LMX1A: variants seen among roughly 807,000 people sequenced by gnomAD.
LMX1A encodes LIM homeobox transcription factor 1 alpha, also known as LIM homeobox transcription factor 1-alpha.
In LMX1A, 15 loss-of-function variants were observed where a neutral mutation model predicts 49.1. That is an observed-to-expected ratio of 0.31 (90% CI 0.20 to 0.47). The LOEUF (loss-of-function observed/expected upper bound fraction) is 0.47, where lower values mean the gene tolerates loss of function less well. LMX1A is among the 20% of genes least tolerant of loss of function. LMX1A has a pLI of 1.00. For synonymous variants in LMX1A, 167 were observed against 185.7 expected (o/e 0.90, Z 0.82); for missense variants, 372 against 475.8 (o/e 0.78, Z 2.03).
At chr1:165,210,597 A>G (rs1257390684) in intron 6 of LMX1A, 102 bp downstream of exon 6, 4 of 751,452 alleles carry the variant, frequency 5.3e-6, no homozygotes, top group Middle Eastern at 2.4e-4. Context: ...ACTCTATCCA[A>G]TGAGCTAAGG....
chr1:165,244,445 G>A (rs1395752276), intron 4 of LMX1A, among the ~76,000 whole-genome samples: 2 of 152,050 alleles, frequency 1.3e-5, no homozygotes, highest in Non-Finnish European at 2.9e-5. Context: ...AGTCTTGTGG[G>A]ATCAAGCTCT....
chr1:165,322,982 G>T (rs1278912520), intron 3 of LMX1A, among the ~76,000 whole-genome samples: 2 of 151,974 alleles, frequency 1.3e-5, no homozygotes, highest in South Asian at 4.1e-4. Flanking sequence ...AACACAATTT[G>T]CTGATTCCAA....
chr1:165,334,021 C>T (rs1364916649), intron 3 of LMX1A, among the ~76,000 whole-genome samples: 2 of 152,104 alleles, frequency 1.3e-5, no homozygotes, highest in African/African-American at 4.8e-5. Context: ...TGAATAAATT[C>T]AAGCTAAGGA....
chr1:165,225,577 T>A (rs752191186), intron 4 of LMX1A, among the ~76,000 whole-genome samples: 3 of 152,220 alleles, frequency 2.0e-5, no homozygotes, highest in Non-Finnish European at 4.4e-5. Flanking sequence ...AAATAGGGGT[T>A]AGAGGAAAAA....
In LMX1A at chr1:165,203,813, C is replaced by T. The variant is rs921391665; in HGVS notation, c.*67G>A. The T allele has an allele frequency of 1.6e-5, 24 of 1,534,260 alleles. No homozygotes were observed. Among genetic ancestry groups the T allele is most frequent in the Non-Finnish European group, 2.2e-5 (24 of 1,114,532 alleles). ...CTTCCCTGGCCTCCCTGTCCTAAAG[C>T]CAGTGACCCCTCAAAGAATATGGTT... On this transcript the variant is annotated 3_prime_UTR_variant, in exon 9 of 9. Coordinates refer to ENST00000342310, the MANE Select transcript of LMX1A (RefSeq NM_177398.4).
intron 3 of LMX1A, among the ~76,000 whole-genome samples, chr1:165,325,964 T>A (rs1192372573): frequency 6.6e-6 from 1 of 152,098 alleles, no homozygotes; most frequent in African/African-American, 2.4e-5. Context: ...CCTTCCCCCA[T>A]CCTCACCAGT....
chr1:165,348,807 T>C (rs1656328557), intron 3 of LMX1A, among the ~76,000 whole-genome samples: 2 of 152,148 alleles, frequency 1.3e-5, no homozygotes. Context: ...ATTACCTAAG[T>C]CGTTTTCACC....
At chr1:165,317,220 A>C (rs1229862363) in intron 3 of LMX1A, among the ~76,000 whole-genome samples, 1 of 151,942 alleles carries the variant, frequency 6.6e-6, no homozygotes, top group African/African-American at 2.4e-5. Flanking sequence ...AATAGTTCCA[A>C]GTCTAGTTTA....
intron 3 of LMX1A, among the ~76,000 whole-genome samples, chr1:165,293,677 G>C (rs1447440626): frequency 6.6e-6 from 1 of 152,218 alleles, no homozygotes; most frequent in Non-Finnish European, 1.5e-5. Flanking sequence ...AATTCTGGAG[G>C]CTGGAAAGTC....
intron 4 of LMX1A, among the ~76,000 whole-genome samples, chr1:165,235,328 G>A (rs76332122): frequency 0.12 from 18,347 of 152,208 alleles, 1,189 homozygotes; most frequent in Non-Finnish European, 0.15. Flanking sequence ...ATGAGCGAAA[G>A]AGGGAAGGCA....
intron 3 of LMX1A, among the ~76,000 whole-genome samples, chr1:165,289,097 TA>T (rs1370855662): frequency 6.6e-6 from 1 of 152,306 alleles, no homozygotes; most frequent in East Asian, 1.9e-4. Context: ...TGCCTTCATC[TA>T]ATCTTTTGTG....
chr1:165,265,967 C>A lies in LMX1A; in HGVS notation c.264-16327G>T, dbSNP rs1439189757. On this transcript the variant is annotated intron_variant, in intron 3 of 8. Transcript: ENST00000342310. ...AATAGTGAAAAAGGTAATCAGGGAA[C>A]CTAAATGATTGGTTATTTAAGGGAG... Among the ~76,000 whole-genome samples, 6 of 152,232 alleles carry A rather than the reference C, an allele frequency of 3.9e-5. No individual in the cohort carries two copies. The South Asian group carries it at 8.3e-4, about 21-fold the overall frequency.
chr1:165,251,089 T>G (rs1378724449), intron 3 of LMX1A, among the ~76,000 whole-genome samples: 1 of 151,688 alleles, frequency 6.6e-6, no homozygotes, highest in African/African-American at 2.4e-5. Context: ...ATGGCTTTTT[T>G]TTTTTTTTTC....
rs1656580775 is a variant in LMX1A, at chr1:165,355,587, G to A, written c.-22-6C>T. ...TCGGGCCGGGCCGGGAGGACCTGTA[G>A]AGGAGAAGAAACGATGCGTCTGACG... On this transcript the variant is annotated splice_region_variant and splice_polypyrimidine_tract_variant and intron_variant, in intron 1 of 8. Coordinates refer to ENST00000342310, the MANE Select transcript of LMX1A (RefSeq NM_177398.4). This position sits in a 1 kb window ranked among gnomAD's most constrained non-coding sequence, Gnocchi z 4.7. The A allele has an allele frequency of 6.2e-7, 1 of 1,609,252 alleles. No individual in the cohort carries two copies. The highest frequency in any genetic ancestry group is 1.3e-5 in the African/African-American group (1 of 74,874).
chr1:165,343,395 AAATAATAATAATAAT>A (rs56236301), intron 3 of LMX1A, among the ~76,000 whole-genome samples: 115,333 of 149,194 alleles, frequency 0.77, 45,221 homozygotes, highest in Middle Eastern at 0.88. Flanking sequence ...ACTCATATAT[AAATAATAATAATAAT>A]AATAATAATA....
intron 3 of LMX1A, among the ~76,000 whole-genome samples, chr1:165,301,223 C>G (rs545137232): frequency 1.6e-4 from 24 of 152,302 alleles, no homozygotes; most frequent in African/African-American, 5.5e-4. Flanking sequence ...GGACTTTCCA[C>G]TGCTCTGGTT....
intron 6 of LMX1A, among the ~76,000 whole-genome samples, chr1:165,208,840 G>A (rs1046612095): frequency 6.6e-6 from 1 of 152,058 alleles, no homozygotes; most frequent in African/African-American, 2.4e-5. Flanking sequence ...CTAGAGACGG[G>A]GTTTCACCAT....
chr1:165,211,757 A>G (rs371812804), intron 5 of LMX1A, among the ~76,000 whole-genome samples: 5 of 152,138 alleles, frequency 3.3e-5, no homozygotes, highest in African/African-American at 1.2e-4. Flanking sequence ...AACCCTATCC[A>G]TTCCTCAGAG....
chr1:165,255,284 CT>C (rs1653197343), intron 3 of LMX1A, among the ~76,000 whole-genome samples: 1 of 152,228 alleles, frequency 6.6e-6, no homozygotes, highest in Admixed American at 6.5e-5. Flanking sequence ...TTCTTTCTCC[CT>C]GCACCTCCTC....
Sources: gnomAD v4.1 joint callset for allele counts (sites outside exome capture counted in the v4.1 genomes callset) on GRCh38, gnomAD v4.1.1 for gene constraint, Gnocchi (gnomAD v3.1) non-coding constraint, MANE v1.5 for transcripts, NCBI Gene and HGNC (gene_info 2026-07-23, HGNC 2026-07-21) for gene names.